The following KAZN variants were observed in gnomAD, a reference collection of about 807,000 sequenced individuals.
The protein encoded by KAZN is kazrin.
A neutral mutation model predicts 87.4 loss-of-function variants in KAZN; 40 were observed. That is an observed-to-expected ratio of 0.46 (90% CI 0.36 to 0.60). The LOEUF is 0.60. Among genes scored for constraint, KAZN ranks in the 20% least tolerant of loss-of-function variants. The pLI, the probability that KAZN is intolerant of heterozygous loss-of-function variation, is 0.00. For missense variants in KAZN, 898 were observed against 1,073.9 expected (o/e 0.84, Z 2.29); for synonymous variants, 466 against 458.3 (o/e 1.02, Z -0.22).
intron 2 of KAZN, among the ~76,000 whole-genome samples, chr1:14,493,938 C>T (rs1327204966): frequency 1.3e-5 from 2 of 152,190 alleles, no homozygotes; most frequent in Admixed American, 1.3e-4. Flanking sequence ...AGGGTTGTGT[C>T]TCAAGACAAT....
rs139092577 is a variant in KAZN at position 15,081,561 on chromosome 1, CGTGTGTGT to C, written c.1223-12607_1223-12600del. Reference sequence around the variant, plus strand: ...GAAAGGTTCCAGGAATTAATGACAGCGTGTGTGTGTGTGTGTGTGAGTGTGTGTGTTGG... The same window carrying C: ...GAAAGGTTCCAGGAATTAATGACAGCGTGTGTGTGTGAGTGTGTGTGTTGG... On this transcript the variant is annotated intron_variant, in intron 8 of 14. Transcript: ENST00000376030. This position sits in a 1 kb window ranked among gnomAD's most constrained non-coding sequence, Gnocchi z 4.1. Among the ~76,000 whole-genome samples, 39 of 149,774 alleles carry C rather than the reference CGTGTGTGT, an allele frequency of 2.6e-4. No homozygotes were observed. The highest frequency in any genetic ancestry group is 8.5e-4 in the South Asian group (4 of 4,682).
At chr1:14,508,108 C>T (rs1366631864) in intron 2 of KAZN, among the ~76,000 whole-genome samples, 1 of 152,168 alleles carries the variant, frequency 6.6e-6, no homozygotes, top group Non-Finnish European at 1.5e-5. Context: ...CATCCTCCTG[C>T]CATCATTGAG....
chr1:13,918,421 C>T (rs953761341), intron 1 of KAZN, among the ~76,000 whole-genome samples: 1 of 152,130 alleles, frequency 6.6e-6, no homozygotes, highest in Non-Finnish European at 1.5e-5. Context: ...ATTGCAGTCT[C>T]ATGATAAAAC....
intron 1 of KAZN, among the ~76,000 whole-genome samples, chr1:14,665,944 A>AAAT (rs1639516304): frequency 1.3e-5 from 2 of 151,942 alleles, no homozygotes; most frequent in East Asian, 1.9e-4. Flanking sequence ...AAAAAAAAAA[A>AAAT]AAAAAAAAAT....
At chr1:14,257,175 G>A (rs1014902402) in intron 2 of KAZN, among the ~76,000 whole-genome samples, 1 of 152,166 alleles carries the variant, frequency 6.6e-6, no homozygotes, top group African/African-American at 2.4e-5. Flanking sequence ...AGGGGGAAGG[G>A]ATGATATCTC....
chr1:14,219,290 TG>T (rs1647039319), intron 2 of KAZN, among the ~76,000 whole-genome samples: 1 of 152,082 alleles, frequency 6.6e-6, no homozygotes, highest in Non-Finnish European at 1.5e-5. Context: ...GGAAGGGAAT[TG>T]TTGTTAAAAT....
intron 1 of KAZN, among the ~76,000 whole-genome samples, chr1:14,888,849 A>G (rs1313855093): frequency 6.6e-6 from 1 of 152,222 alleles, no homozygotes; most frequent in East Asian, 1.9e-4. Context: ...GCTGATCAGA[A>G]GCCTATATCT....
intron 2 of KAZN, among the ~76,000 whole-genome samples, chr1:15,003,640 C>G (rs1239601304): frequency 6.6e-6 from 1 of 152,180 alleles, no homozygotes; most frequent in Non-Finnish European, 1.5e-5. Flanking sequence ...AGGCAGTGTT[C>G]TTTATGTTCA....
intron 2 of KAZN, among the ~76,000 whole-genome samples, chr1:14,410,585 T>A (rs539083537): frequency 6.6e-6 from 1 of 152,284 alleles, no homozygotes; most frequent in African/African-American, 2.4e-5. Context: ...AAAAGGACCT[T>A]CACAGATGTG....
At chr1:14,913,641 G>A (rs958145054) in intron 1 of KAZN, among the ~76,000 whole-genome samples, 25 of 152,234 alleles carry the variant, frequency 1.6e-4, no homozygotes, top group African/African-American at 5.8e-4. Context: ...TGGGGCCACT[G>A]AGGGCAAGGT....
In KAZN at chr1:14,086,017, C is replaced by T. The variant is rs72861291; in HGVS notation, c.92-94418C>T. 9.0e-3 allele frequency among the ~76,000 whole-genome samples: 1,367 copies of T among 152,152 alleles called. 26 individuals carry two copies. The highest frequency in any genetic ancestry group is 0.031 in the African/African-American group (1,306 of 41,532). On this transcript the variant is annotated intron_variant, in intron 1 of 16. Transcript: ENST00000636203. ...ATTGTTGTTCAGCATCTTATTGGCC[C>T]TCATATTCTTATTTGCCATCCTCTT...
At chr1:14,412,814 G>A (rs1664411996) in intron 2 of KAZN, among the ~76,000 whole-genome samples, 1 of 151,254 alleles carries the variant, frequency 6.6e-6, no homozygotes, top group African/African-American at 2.4e-5. Context: ...TTTTTAAAAA[G>A]AACAATATGG....
intron 2 of KAZN, among the ~76,000 whole-genome samples, chr1:14,965,863 T>C (rs1664400675): frequency 6.6e-6 from 1 of 152,152 alleles, no homozygotes; most frequent in Non-Finnish European, 1.5e-5. Context: ...AGTATTAATG[T>C]TTTCAAAATT....
chr1:15,075,240 G>T (rs1639684739), intron 8 of KAZN, among the ~76,000 whole-genome samples: 1 of 152,138 alleles, frequency 6.6e-6, no homozygotes. Context: ...TGCCTTCCTG[G>T]CCAGTGCTTT....
chr1:14,334,828 A>G (rs1657112594), intron 2 of KAZN, among the ~76,000 whole-genome samples: 1 of 152,224 alleles, frequency 6.6e-6, no homozygotes, highest in Non-Finnish European at 1.5e-5. Context: ...GCAGAGAGAC[A>G]GACAGACACA....
chr1:14,075,477 A>G (rs1375452547), intron 1 of KAZN, among the ~76,000 whole-genome samples: 1 of 152,210 alleles, frequency 6.6e-6, no homozygotes, highest in Non-Finnish European at 1.5e-5. Context: ...ATAAAACAGC[A>G]GAAGCACACT....
intron 2 of KAZN, among the ~76,000 whole-genome samples, chr1:14,398,916 T>C (rs1437997519): frequency 1.3e-5 from 2 of 152,138 alleles, no homozygotes; most frequent in Non-Finnish European, 2.9e-5. Flanking sequence ...TCGGGGGTTT[T>C]CTTTCTGGAA....
chr1:15,113,865 A>T (rs1641747823), intron 14 of KAZN: 1 of 152,124 alleles, frequency 6.6e-6, no homozygotes, highest in Non-Finnish European at 1.5e-5. Flanking sequence ...TGTTGGCCAG[A>T]CTGGTGGGAC....
chr1:14,308,928 T>A (rs1325313778), intron 2 of KAZN, among the ~76,000 whole-genome samples: 2 of 152,202 alleles, frequency 1.3e-5, no homozygotes, highest in Non-Finnish European at 2.9e-5. Context: ...GGAAGCCAGT[T>A]CATCAAATAC....
Sources: gnomAD v4.1 joint callset for allele counts (sites outside exome capture counted in the v4.1 genomes callset) on GRCh38, gnomAD v4.1.1 for gene constraint, Gnocchi (gnomAD v3.1) non-coding constraint, MANE v1.5 for transcripts, NCBI Gene and HGNC (gene_info 2026-07-23, HGNC 2026-07-21) for gene names.